RDM1: variants seen among roughly 807,000 people sequenced by gnomAD.
The protein encoded by RDM1 is RAD52 motif containing 1, also known as RAD52 motif-containing protein 1.
A neutral mutation model predicts 27.7 loss-of-function variants in RDM1; 28 were observed. The ratio of observed to expected loss-of-function variants is 1.01; its 90% CI spans 0.75 to 1.39. The LOEUF is 1.39. Among genes scored for constraint, RDM1 ranks in the 40% most tolerant of loss-of-function variants. RDM1 has a pLI of 0.00. For synonymous variants in RDM1, 124 were observed against 127.5 expected, an observed-to-expected ratio of 0.97 and a Z score of 0.19; for missense variants, 277 against 337.3, an observed-to-expected ratio of 0.82 and a Z score of 1.40.
In RDM1 at chr17:35,930,199, G is replaced by A. The variant is rs767081884; in HGVS notation, c.153C>T (p.Phe51=). The change falls in exon 2 of 7, where the codon TTC becomes TTT. Residue 51 remains phenylalanine, a synonymous_variant. Transcript: ENST00000620284. ...QFGLLYSVRV[F]PNAAVAHPGF... is the part of the protein sequence containing the mutation. The stretch of plus-strand genomic sequence containing the variant: ...CAGGATGGGCCACTGCAGCATTTGG[G>A]AAGACCCGGACTGAATACAGAAGGC... 2.0e-5 allele frequency: 32 copies of A among 1,614,062 alleles called. No individual in the cohort carries two copies. Among genetic ancestry groups the A allele is most frequent in the Non-Finnish European group, 2.6e-5 (31 of 1,180,044 alleles).
chr17:35,929,368 C>T (rs1220405079), intron 2 of RDM1, among the ~76,000 whole-genome samples: 1 of 152,176 alleles, frequency 6.6e-6, no homozygotes, highest in Non-Finnish European at 1.5e-5. Context: ...TCAAGCGATC[C>T]TCCCACCTCA....
rs1323899370 is a variant in RDM1, at chr17:35,924,828, T to G, written c.400-56A>C. ...TGGGGTCTTAATGTAGGCTTCAAAA[T>G]GTTTTGTTATTAAAAGTAAAAACTT... On this transcript the variant is annotated intron_variant, in intron 3 of 6. Coordinates refer to ENST00000620284, the MANE Select transcript of RDM1 (RefSeq NM_145654.4). 5 of 1,561,414 alleles carry G rather than the reference T, an allele frequency of 3.2e-6. No homozygotes were observed. The African/African-American group carries it at 6.8e-5, about 21-fold the overall frequency.
Position 35,924,567 on chromosome 17 carries a change from A to G in RDM1, c.568+37T>C, listed in dbSNP as rs375297049. Reference sequence around the variant, plus strand: ...AAAAAAGAAAGATCCTTTCCACTCCAAATCCCTACCCTCCTCCACTCCCAG... The same window carrying G: ...AAAAAAGAAAGATCCTTTCCACTCCGAATCCCTACCCTCCTCCACTCCCAG... On this transcript the variant is annotated intron_variant, in intron 4 of 6. Transcript: ENST00000620284. 5 of 1,575,460 alleles carry G rather than the reference A, an allele frequency of 3.2e-6. No individual in the cohort carries two copies. In the African/African-American group the frequency reaches 6.8e-5, roughly 22 times the overall value.
chr17:35,921,604 C>T (rs1268684485), intron 5 of RDM1, among the ~76,000 whole-genome samples: 1 of 152,172 alleles, frequency 6.6e-6, no homozygotes, highest in Non-Finnish European at 1.5e-5. Flanking sequence ...ATCATACTTG[C>T]CCAATGTGTC....
intron 5 of RDM1, 99 bp from the exon 6 acceptor site, chr17:35,920,371 C>A: frequency 2.1e-6 from 1 of 484,212 alleles, no homozygotes; most frequent in African/African-American, 2.0e-5. Context: ...GTTTTGGTTT[C>A]TAAAAGCAGA....
rs748409925 is a variant in RDM1 at position 35,920,189 on chromosome 17, G to A, written c.751C>T (p.Gln251Ter). Reference protein sequence around the residue: ...RCEEELHGLIQVPCSPWKQYG... With the variant: ...RCEEELHGLI ...CCTGAGTTTTTATCTTCACATACTT[G>A]AATTAAACCGTGTAGTTCTTCTTCG... The change falls in exon 6 of 7, where the codon CAA (glutamine) becomes TAA (stop). Residue 251 changes from glutamine (Q) to a stop codon, truncating the protein, a stop_gained and splice_region_variant. Transcript: ENST00000620284. LOFTEE classifies it low-confidence loss of function (END_TRUNC). 2.2e-5 allele frequency: 34 copies of A among 1,536,460 alleles called. No homozygotes were observed. The highest frequency in any genetic ancestry group is 1.1e-4 in the South Asian group (10 of 87,520).
chr17:35,930,047 G>C, intron 2 of RDM1, 29 bp downstream of exon 2: 1 of 1,582,678 alleles, frequency 6.3e-7, no homozygotes, highest in East Asian at 2.2e-5. Flanking sequence ...TCATTTCAGC[G>C]GAGCTAGGAA....
chr17:35,930,744 C>A lies in RDM1; in HGVS notation c.-17G>T. ...CTCCGCCATCCTCCCTTCACCGCAC[C>A]TGCGCGGCTAACCCTCGCCCCAGCA... On this transcript the variant is annotated 5_prime_UTR_variant, in exon 1 of 7. The change creates a new upstream start codon in the 5' untranslated region. Coordinates refer to ENST00000620284, the MANE Select transcript of RDM1 (RefSeq NM_145654.4). 1 of 1,611,598 alleles carries A rather than the reference C, an allele frequency of 6.2e-7. No homozygotes were observed. Among genetic ancestry groups the A allele is most frequent in the Non-Finnish European group, 8.5e-7 (1 of 1,178,850 alleles).
intron 2 of RDM1, 69 bp from the exon 3 acceptor site, chr17:35,925,706 AT>A: frequency 6.6e-7 from 1 of 1,518,472 alleles, no homozygotes; most frequent in Non-Finnish European, 8.9e-7. Flanking sequence ...TAGATCTGAG[AT>A]TTGTCAATAC....
At chr17:35,929,594 A>G (rs553277043) in intron 2 of RDM1, among the ~76,000 whole-genome samples, 9 of 152,242 alleles carry the variant, frequency 5.9e-5, no homozygotes, top group Admixed American at 5.2e-4. Context: ...GGCGCATGCC[A>G]CCATGCCCGG....
chr17:35,922,734 G>A (rs2088990761), intron 4 of RDM1, 59 bp from the exon 5 acceptor site: 1 of 1,367,782 alleles, frequency 7.3e-7, no homozygotes, highest in East Asian at 2.4e-5. Flanking sequence ...ATTGCTATAT[G>A]TTTAAAAAAT....
chr17:35,925,778 G>A (rs941129458), intron 2 of RDM1, 141 bp from the exon 3 acceptor site: 45 of 930,330 alleles, frequency 4.8e-5, no homozygotes, highest in Non-Finnish European at 6.9e-5. Context: ...TTGAGAATAT[G>A]ACCTGAATAT....
intron 6 of RDM1, among the ~76,000 whole-genome samples, chr17:35,919,508 T>C (rs771709316): frequency 2.0e-5 from 3 of 152,228 alleles, no homozygotes; most frequent in African/African-American, 4.8e-5. Context: ...TATGTTACTA[T>C]ACTGAATACT....
At position 35,918,245 on chromosome 17, in the gene RDM1, A is replaced by C; in HGVS notation, c.*97T>G. 9.8e-7 allele frequency: 1 copy of C among 1,023,524 alleles called. No individual in the cohort carries two copies. The highest frequency in any genetic ancestry group is 1.5e-6 in the Non-Finnish European group (1 of 667,520). 63.4% of individuals were successfully genotyped at this position (1,023,524 alleles called of 1,614,324 possible). ...GGCGGCCGACCCAGGTGGTTCCAGG[A>C]CTCCAGCAGCCTATAGTGGTGGGGC... On this transcript the variant is annotated 3_prime_UTR_variant, in exon 7 of 7. Coordinates refer to ENST00000620284, the MANE Select transcript of RDM1 (RefSeq NM_145654.4).
At chr17:35,925,138 C>T (rs939114543) in intron 3 of RDM1, among the ~76,000 whole-genome samples, 3 of 151,592 alleles carry the variant, frequency 2.0e-5, no homozygotes, top group East Asian at 1.9e-4. Context: ...GTCTCAAAAA[C>T]AAAACAAAAC....
chr17:35,925,416 TCTC>T (rs2089108868), intron 3 of RDM1, 96 bp downstream of exon 3: 1 of 1,360,952 alleles, frequency 7.3e-7, no homozygotes, highest in African/African-American at 1.4e-5. Context: ...GCCTCTCACA[TCTC>T]CTCCCTACAA....
In RDM1 at chr17:35,918,128, C is replaced by T. The variant is rs2088809620; in HGVS notation, c.*214G>A. The T allele has an allele frequency of 3.4e-6, 2 of 591,586 alleles. No individual in the cohort carries two copies. The highest frequency in any genetic ancestry group is 3.0e-5 in the Admixed American group (1 of 33,898). The allele number at this position is 591,586 out of a possible 1,614,324, so 36.6% of individuals were successfully genotyped here. On this transcript the variant is annotated 3_prime_UTR_variant, in exon 7 of 7. Coordinates refer to ENST00000620284, the MANE Select transcript of RDM1 (RefSeq NM_145654.4). ...GTTCCGTTCGAGATCCGCTCCTCGT[C>T]ACCAGGGCGATCTTATCCCACAATC...
chr17:35,924,578 C>A (rs369670109), intron 4 of RDM1, 26 bp downstream of exon 4: 62 of 1,594,402 alleles, frequency 3.9e-5, no homozygotes, highest in Middle Eastern at 1.7e-4. Flanking sequence ...AATCCCTACC[C>A]TCCTCCACTC....
chr17:35,924,540 GA>G (rs1568394956), intron 4 of RDM1, 63 bp downstream of exon 4: 1 of 1,510,750 alleles, frequency 6.6e-7, no homozygotes, highest in Non-Finnish European at 8.9e-7. Context: ...TGGAAAGTAA[GA>G]AAAAAAGAAA....
Sources: gnomAD v4.1 joint callset for allele counts (sites outside exome capture counted in the v4.1 genomes callset) on GRCh38, gnomAD v4.1.1 for gene constraint, MANE v1.5 for transcripts, NCBI Gene and HGNC (gene_info 2026-07-23, HGNC 2026-07-21) for gene names.